Variants in CREBBP observed in about 807,000 individuals in gnomAD.
CREBBP encodes CREB-binding protein.
CREBBP carries 19 observed loss-of-function variants against 265.0 expected under a neutral mutation model. The ratio of observed to expected loss-of-function variants is 0.07; its 90% confidence interval spans 0.05 to 0.11. The LOEUF is 0.11. Among genes scored for constraint, CREBBP ranks in the 10% least tolerant of loss-of-function variants. The pLI, the probability that CREBBP is intolerant of heterozygous loss-of-function variation, is 1.00. For missense variants in CREBBP, 2,525 were observed against 3,219.0 expected, an observed-to-expected ratio of 0.78 and a Z score of 5.22; for synonymous variants, 1,457 against 1,223.7, an observed-to-expected ratio of 1.19 and a Z score of -3.98.
At chr16:3,735,784 A>T (rs908333196) in intron 28 of CREBBP, among the ~76,000 whole-genome samples, 10 of 151,982 alleles carry the variant, frequency 6.6e-5, no homozygotes, top group Non-Finnish European at 1.3e-4. Context: ...CCCATGTCCC[A>T]TTTTCTGTCT....
At chr16:3,857,400 G>A (rs376316563) in intron 1 of CREBBP, among the ~76,000 whole-genome samples, 12 of 152,256 alleles carry the variant, frequency 7.9e-5, no homozygotes, top group East Asian at 5.8e-4. Flanking sequence ...AAGATAGGGC[G>A]CACACGTAGT....
chr16:3,747,336 T>C (rs1246943905), intron 21 of CREBBP, among the ~76,000 whole-genome samples: 3 of 152,264 alleles, frequency 2.0e-5, no homozygotes, highest in Non-Finnish European at 2.9e-5. Context: ...TTCATGAAGT[T>C]AACCTCTGCC....
intron 13 of CREBBP, among the ~76,000 whole-genome samples, chr16:3,772,797 C>T (rs1274827745): frequency 1.3e-5 from 2 of 151,038 alleles, no homozygotes; most frequent in African/African-American, 2.4e-5. Context: ...AGGCTGGGTA[C>T]GGTAGCTTAC....
At chr16:3,875,231 G>A (rs1468793166) in intron 1 of CREBBP, among the ~76,000 whole-genome samples, 2 of 152,148 alleles carry the variant, frequency 1.3e-5, no homozygotes, top group Admixed American at 6.5e-5. Flanking sequence ...GCCCTCTAAG[G>A]CGCCCTGCAC....
At chr16:3,876,399 C>CAA (rs71133663) in intron 1 of CREBBP, among the ~76,000 whole-genome samples, 586 of 18,134 alleles carry the variant, frequency 0.032, 60 homozygotes, top group African/African-American at 0.054. Context: ...TAAAGCTGAC[C>CAA]AAAAAAAAAA....
intron 1 of CREBBP, among the ~76,000 whole-genome samples, chr16:3,854,592 C>T (rs755405712): frequency 4.6e-5 from 7 of 152,364 alleles, no homozygotes; most frequent in Non-Finnish European, 8.8e-5. Context: ...TCTCATGGCA[C>T]GTGAGGCTAT....
In CREBBP at chr16:3,814,215, CTGTGTGTGTGTGTGTGTGTGTGTG is replaced by C. The variant is rs6145729; in HGVS notation, c.799-3460_799-3437del. ...TGTGTGTTTGAGACAGAGTCTCGTT[CTGTGTGTGTGTGTGTGTGTGTGTG>C]TGTGTGTGTGTGTGTGTGTGTGTGT... On this transcript the variant is annotated intron_variant, in intron 2 of 30. Transcript: ENST00000262367. Among the ~76,000 whole-genome samples the C allele has an allele frequency of 1.9e-3, 197 of 104,060 alleles. 3 individuals carry two copies. The highest frequency in any genetic ancestry group is 5.1e-3 in the African/African-American group (137 of 26,650). 68.3% of individuals were successfully genotyped at this position (104,060 alleles called of 152,430 possible).
intron 3 of CREBBP, among the ~76,000 whole-genome samples, chr16:3,800,047 G>GA: frequency 6.6e-6 from 1 of 152,130 alleles, no homozygotes; most frequent in African/African-American, 2.4e-5. Flanking sequence ...ATTAAGGTGG[G>GA]TACTTTGTTA....
chr16:3,866,524 T>C (rs1209944114), intron 1 of CREBBP, among the ~76,000 whole-genome samples: 1 of 152,126 alleles, frequency 6.6e-6, no homozygotes, highest in Non-Finnish European at 1.5e-5. Flanking sequence ...ATTTAACAGA[T>C]TCTCTTAATC....
At chr16:3,781,909 G>A (rs924040702) in intron 6 of CREBBP, among the ~76,000 whole-genome samples, 5 of 152,182 alleles carry the variant, frequency 3.3e-5, no homozygotes, top group African/African-American at 9.7e-5. Context: ...CATTAGGGCA[G>A]TTGTTTTCCA....
intron 5 of CREBBP, among the ~76,000 whole-genome samples, chr16:3,790,462 C>T (rs190912129): frequency 5.3e-5 from 8 of 151,118 alleles, no homozygotes; most frequent in Admixed American, 2.6e-4. Flanking sequence ...GCAACCTCCA[C>T]CTCCCAGGTT....
chr16:3,741,496 A>G (rs1354592383), intron 23 of CREBBP: 1 of 152,246 alleles, frequency 6.6e-6, no homozygotes, highest in Non-Finnish European at 1.5e-5. Flanking sequence ...TTGTACCTGA[A>G]TAAAAATGAT....
intron 6 of CREBBP, among the ~76,000 whole-genome samples, 153 bp downstream of exon 6, chr16:3,782,531 T>G (rs1022345746): frequency 1.3e-5 from 2 of 152,226 alleles, no homozygotes; most frequent in Non-Finnish European, 2.9e-5. Flanking sequence ...TTTCCTTGCA[T>G]CAGATACTTC....
intron 4 of CREBBP, 138 bp downstream of exon 4, chr16:3,793,248 C>T (rs946946704): frequency 1.5e-5 from 18 of 1,166,704 alleles, no homozygotes; most frequent in Admixed American, 8.5e-5. Flanking sequence ...GGAACGTGAG[C>T]GCAACATGTC....
chr16:3,836,137 T>C (rs1232758231), intron 2 of CREBBP, among the ~76,000 whole-genome samples: 4 of 151,924 alleles, frequency 2.6e-5, no homozygotes. Flanking sequence ...AAGCAATTCA[T>C]GGTTACAGAA....
At chr16:3,817,111 T>C (rs1047333745) in intron 2 of CREBBP, among the ~76,000 whole-genome samples, 1 of 152,046 alleles carries the variant, frequency 6.6e-6, no homozygotes. Flanking sequence ...GCCTTCGGAG[T>C]TGGTTTTCAG....
At chr16:3,861,028 T>C (rs1285347400) in intron 1 of CREBBP, among the ~76,000 whole-genome samples, 1 of 152,100 alleles carries the variant, frequency 6.6e-6, no homozygotes, top group Non-Finnish European at 1.5e-5. Flanking sequence ...ATCCCAGCAC[T>C]TTGGGAGGCA....
At chr16:3,879,803 G>GCCCCCC in intron 1 of CREBBP, 29 bp downstream of exon 1, 2 of 1,556,362 alleles carry the variant, frequency 1.3e-6, no homozygotes, top group Non-Finnish European at 1.7e-6. Flanking sequence ...CGCGCCCCGG[G>GCCCCCC]CCCCCGCCGC....
At chr16:3,827,054 T>G (rs975261860) in intron 2 of CREBBP, among the ~76,000 whole-genome samples, 1 of 152,304 alleles carries the variant, frequency 6.6e-6, no homozygotes, top group South Asian at 2.1e-4. Context: ...ACTGAGAAAG[T>G]TGAGGCTTGA....
Sources: gnomAD v4.1 joint callset for allele counts (sites outside exome capture counted in the v4.1 genomes callset) on GRCh38, gnomAD v4.1.1 for gene constraint, MANE v1.5 for transcripts, NCBI Gene and HGNC (gene_info 2026-07-23, HGNC 2026-07-21) for gene names.